The following MAPK14 variants were observed in gnomAD, a reference collection of about 807,000 sequenced individuals.
MAPK14 encodes mitogen-activated protein kinase 14.
MAPK14 carries 16 observed loss-of-function variants against 49.6 expected under a neutral mutation model. The ratio of observed to expected loss-of-function variants is 0.32; its 90% CI spans 0.22 to 0.49. The LOEUF (loss-of-function observed/expected upper bound fraction) is 0.49. MAPK14 is among the 20% of genes least tolerant of loss of function. The pLI, the probability that MAPK14 is intolerant of heterozygous loss-of-function variation, is 0.99. For synonymous variants in MAPK14, 142 were observed against 158.0 expected, an observed-to-expected ratio of 0.90 and a Z score of 0.76; for missense variants, 200 against 441.2, an observed-to-expected ratio of 0.45 and a Z score of 4.90.
chr6:36,039,088 GTTAAAC>G (rs1287335598), intron 1 of MAPK14, among the ~76,000 whole-genome samples: 3 of 152,180 alleles, frequency 2.0e-5, no homozygotes, highest in African/African-American at 7.2e-5. Flanking sequence ...GGACTTCTCT[GTTAAAC>G]TTAAATATAT....
chr6:36,042,761 G>A (rs1046025355), intron 1 of MAPK14, among the ~76,000 whole-genome samples: 34 of 151,642 alleles, frequency 2.2e-4, no homozygotes, highest in Admixed American at 1.2e-3. Context: ...TCAGACTTCC[G>A]AAGTGCTAGG....
chr6:36,115,097 G>A (rs1219375720), downstream of MAPK14, among the ~76,000 whole-genome samples: 1 of 152,202 alleles, frequency 6.6e-6, no homozygotes, highest in African/African-American at 2.4e-5. Context: ...GAAGCCATAG[G>A]CTGTGGTCTA....
the MAPK14 span, among the ~76,000 whole-genome samples, chr6:36,118,885 C>T: frequency 6.6e-6 from 1 of 152,094 alleles, no homozygotes; most frequent in Non-Finnish European, 1.5e-5. Flanking sequence ...CCCAACCAGT[C>T]CTCTCCCCAG....
intron 10 of MAPK14, 154 bp downstream of exon 10, chr6:36,102,803 G>A: frequency 1.5e-6 from 2 of 1,376,264 alleles, no homozygotes; most frequent in South Asian, 1.5e-5. Flanking sequence ...TATTTGTGTT[G>A]TCAGATTTTT....
the MAPK14 span, among the ~76,000 whole-genome samples, chr6:36,116,457 A>G: frequency 6.6e-6 from 1 of 151,978 alleles, no homozygotes; most frequent in Non-Finnish European, 1.5e-5. Context: ...TATTTGTTTG[A>G]TATGTAAAAC....
At chr6:36,037,081 T>TA (rs1415055069) in intron 1 of MAPK14, among the ~76,000 whole-genome samples, 2 of 152,172 alleles carry the variant, frequency 1.3e-5, no homozygotes, top group Admixed American at 6.5e-5. Flanking sequence ...CATATATATA[T>TA]TTTTTTGACA....
chr6:36,052,767 T>C lies in MAPK14; in HGVS notation c.185T>C (p.Ile62Thr). ...AAGCTCTCCAGACCATTTCAGTCCA[T>C]CATTCATGCGAAAAGAACCTACAGA... ...VKKLSRPFQS[I>T]IHAKRTYREL... is the part of the protein sequence containing the mutation. The change falls in exon 2 of 12, where the codon ATC (isoleucine) becomes ACC (threonine). Residue 62 changes from isoleucine (I) to threonine (T), a missense_variant. Ile to Thr is a moderately conservative substitution (Grantham distance 89). This residue lies in a region of MAPK14 where 170 missense variants were observed against 407.0 expected (regional missense o/e 0.42). Coordinates refer to ENST00000229794, the MANE Select transcript of MAPK14 (RefSeq NM_139012.3). 1 of 1,612,524 alleles carries C rather than the reference T, an allele frequency of 6.2e-7. No homozygotes were observed. The highest frequency in any genetic ancestry group is 8.5e-7 in the Non-Finnish European group (1 of 1,179,158).
At chr6:36,045,181 C>T (rs1763123621) in intron 1 of MAPK14, among the ~76,000 whole-genome samples, 1 of 151,424 alleles carries the variant, frequency 6.6e-6, no homozygotes, top group South Asian at 2.1e-4. Flanking sequence ...ACCCTCTTTG[C>T]TAATAATGAA....
chr6:36,080,191 G>C (rs1470652857), intron 8 of MAPK14, among the ~76,000 whole-genome samples: 3 of 152,112 alleles, frequency 2.0e-5, no homozygotes, highest in Admixed American at 6.5e-5. Context: ...GCCCACCTTA[G>C]CCTCCCAAAT....
At chr6:36,059,371 C>A (rs1269470495) in intron 3 of MAPK14, 24 bp downstream of exon 3, 3 of 1,553,948 alleles carry the variant, frequency 1.9e-6, no homozygotes, top group Admixed American at 3.3e-5. Context: ...TTGCATTTGC[C>A]TTCCTGGTCT....
intron 10 of MAPK14, among the ~76,000 whole-genome samples, chr6:36,103,232 C>T (rs1765695103): frequency 1.3e-5 from 2 of 152,172 alleles, no homozygotes; most frequent in Admixed American, 6.5e-5. Context: ...GAATGGCTTC[C>T]TATGCCTTCA....
chr6:36,100,751 G>A (rs962923457), intron 9 of MAPK14, among the ~76,000 whole-genome samples: 2 of 151,924 alleles, frequency 1.3e-5, no homozygotes, highest in Non-Finnish European at 2.9e-5. Context: ...CAAACACTTT[G>A]GTACAGTTAG....
At chr6:36,114,796 C>T (rs7770183), downstream of MAPK14, among the ~76,000 whole-genome samples, 8 of 152,000 alleles carry the variant, frequency 5.3e-5, no homozygotes, top group Admixed American at 5.2e-4. Flanking sequence ...TTCAGAAGTT[C>T]TTTGCCATTA....
intron 1 of MAPK14, among the ~76,000 whole-genome samples, chr6:36,048,911 A>G (rs753607895): frequency 2.0e-5 from 3 of 152,190 alleles, no homozygotes; most frequent in Non-Finnish European, 2.9e-5. Flanking sequence ...TTATCTAGAA[A>G]GAGAATGTGG....
At chr6:36,071,724 C>T (rs1049230413) in intron 3 of MAPK14, among the ~76,000 whole-genome samples, 5 of 152,086 alleles carry the variant, frequency 3.3e-5, no homozygotes, top group Non-Finnish European at 4.4e-5. Flanking sequence ...GAAAATGTAG[C>T]GGTGGATTTA....
chr6:36,090,523 CTCTCTTTTTTTTTTTTT>C, intron 8 of MAPK14, among the ~76,000 whole-genome samples: 1 of 144,484 alleles, frequency 6.9e-6, no homozygotes, highest in Non-Finnish European at 1.5e-5. Context: ...TTCTCCCTCT[CTCTCTTTTTTTTTTTTT>C]TTGGAGACAG....
At chr6:36,039,742 C>T (rs938323034) in intron 1 of MAPK14, among the ~76,000 whole-genome samples, 65 of 152,196 alleles carry the variant, frequency 4.3e-4, no homozygotes, top group African/African-American at 1.4e-3. Flanking sequence ...CAGTGGCTCA[C>T]GCCTGTAATC....
intron 1 of MAPK14, among the ~76,000 whole-genome samples, chr6:36,034,469 A>C (rs1762659503): frequency 6.6e-6 from 1 of 152,182 alleles, no homozygotes; most frequent in South Asian, 2.1e-4. Flanking sequence ...TGCTTTTTGC[A>C]GTAAAATTTG....
chr6:36,111,258 AT>A (rs1765966813), downstream of MAPK14: 1 of 152,226 alleles, frequency 6.6e-6, no homozygotes, highest in African/African-American at 2.4e-5. Context: ...CTGTTTATGT[AT>A]TGTCTGTGGC....
Sources: allele counts gnomAD v4.1 joint callset (sites outside exome capture counted in the v4.1 genomes callset), GRCh38; gene constraint gnomAD v4.1.1; regional missense constraint gnomAD v4.1.1; transcripts MANE v1.5; gene names NCBI Gene and HGNC (gene_info 2026-07-23, HGNC 2026-07-21).